Variants in LRRCC1 observed in about 807,000 individuals in gnomAD.
The protein encoded by LRRCC1 is leucine-rich repeat and coiled-coil domain-containing protein 1.
LRRCC1 carries 115 observed loss-of-function variants against 126.0 expected under a neutral mutation model. The ratio of observed to expected loss-of-function variants is 0.91; its 90% CI spans 0.78 to 1.07. The LOEUF (loss-of-function observed/expected upper bound fraction) is 1.07. Among genes scored for constraint, LRRCC1 ranks in the 50% least tolerant of loss-of-function variants. The pLI is 0.00. For synonymous variants in LRRCC1, 400 were observed against 393.4 expected (o/e 1.02, Z -0.20); for missense variants, 1,172 against 1,175.7 (o/e 1.00, Z 0.05).
chr8:85,115,676 A>G, intron 6 of LRRCC1, 92 bp downstream of exon 6: 1 of 893,696 alleles, frequency 1.1e-6, no homozygotes, highest in South Asian at 1.7e-5. Flanking sequence ...TAGCTGACCA[A>G]CCTATTTTAG....
rs6985225 is a variant in LRRCC1 at position 85,131,832 on chromosome 8, A to C, written c.1839A>C (p.Lys613Asn). The C allele has an allele frequency of 6.5e-3, 10,475 of 1,613,854 alleles. 550 individuals carry two copies. In the African/African-American group the frequency reaches 0.12, roughly 19 times the overall value. ...FQDALAKEIAKEEKKHEQMIK... is the reference protein window; with the variant it reads ...FQDALAKEIANEEKKHEQMIK... ...ATGCCTTAGCTAAAGAAATAGCCAAAGAAGAGAAAAAGCATGAGCAAATGA... is the reference window on the plus strand; with the variant it reads ...ATGCCTTAGCTAAAGAAATAGCCAACGAAGAGAAAAAGCATGAGCAAATGA... The change falls in exon 12 of 19, where the codon AAA (lysine) becomes AAC (asparagine). Residue 613 changes from lysine to asparagine, a missense_variant. Physicochemically the swap from Lys to Asn is moderately conservative, Grantham distance 94. Coordinates refer to ENST00000360375, the MANE Select transcript of LRRCC1 (RefSeq NM_033402.5).
At chr8:85,117,060 C>G (rs1809178721) in intron 6 of LRRCC1, among the ~76,000 whole-genome samples, 1 of 152,154 alleles carries the variant, frequency 6.6e-6, no homozygotes, top group South Asian at 2.1e-4. Flanking sequence ...CCAGTGAAAA[C>G]TTAGATTGAA....
chr8:85,112,359 A>G (rs1295968978), intron 3 of LRRCC1, among the ~76,000 whole-genome samples: 5 of 152,224 alleles, frequency 3.3e-5, no homozygotes, highest in Non-Finnish European at 7.3e-5. Context: ...AGGCAGGAAG[A>G]GAAGCTGTAA....
At chr8:85,128,438 C>A (rs1213570653) in intron 9 of LRRCC1, among the ~76,000 whole-genome samples, 1 of 139,632 alleles carries the variant, frequency 7.2e-6, no homozygotes, top group Non-Finnish European at 1.5e-5. Context: ...CCCCCCCCAC[C>A]ACCACATGTT....
intron 15 of LRRCC1, among the ~76,000 whole-genome samples, 171 bp from the exon 16 acceptor site, chr8:85,137,864 T>A (rs2135994804): frequency 6.6e-6 from 1 of 152,252 alleles, no homozygotes; most frequent in Middle Eastern, 3.4e-3. Context: ...ATTATGGCCT[T>A]TGGAATAACT....
chr8:85,116,852 A>G (rs961171624), intron 6 of LRRCC1, among the ~76,000 whole-genome samples: 4 of 152,214 alleles, frequency 2.6e-5, no homozygotes, highest in African/African-American at 7.2e-5. Context: ...GTGAAAGTCA[A>G]TAAGGCTGTG....
chr8:85,113,253 A>G (rs773105635), intron 4 of LRRCC1, among the ~76,000 whole-genome samples, 154 bp downstream of exon 4: 2 of 152,310 alleles, frequency 1.3e-5, no homozygotes, highest in South Asian at 4.1e-4. Flanking sequence ...TTAGTGTATT[A>G]AGACTAATGA....
chr8:85,126,625 A>G, intron 8 of LRRCC1, 64 bp from the exon 9 acceptor site: 2 of 1,410,546 alleles, frequency 1.4e-6, no homozygotes, highest in Non-Finnish European at 9.7e-7. Flanking sequence ...TAAATGGGAA[A>G]ATTGAGGCTG....
chr8:85,109,826 C>G, intron 2 of LRRCC1, 26 bp downstream of exon 2: 1 of 1,254,530 alleles, frequency 8.0e-7, no homozygotes, highest in Non-Finnish European at 1.1e-6. Context: ...TCATTTAACA[C>G]TTAGCGTAAG....
In LRRCC1 at chr8:85,130,130, C is replaced by T. The variant is rs534521923; in HGVS notation, c.1766+72C>T. 21 of 1,155,264 alleles carry T rather than the reference C, an allele frequency of 1.8e-5. No homozygotes were observed. The African/African-American group carries it at 3.1e-4, about 17-fold the overall frequency. 71.6% of individuals were successfully genotyped at this position (1,155,264 alleles called of 1,614,324 possible). A position where few individuals can be genotyped will look rare whatever the true frequency, so the allele number is the denominator to read the frequency against. On this transcript the variant is annotated intron_variant, in intron 11 of 18. Transcript: ENST00000360375. ...AAAGAAAGCTACTGGTTCCCCACTA[C>T]CAGTATTTTTTTTTTTTTTTTTTGA... is the stretch of plus-strand genomic sequence containing the variant.
At position 85,138,158 on chromosome 8, in the gene LRRCC1, G is replaced by C. The variant is rs200867040; in HGVS notation, c.2617G>C (p.Glu873Gln). 1.2e-6 allele frequency: 2 copies of C among 1,611,722 alleles called. No homozygotes were observed. The highest frequency in any genetic ancestry group is 1.7e-6 in the Non-Finnish European group (2 of 1,178,952). Reference protein sequence around the residue: ...SQLDEVLEKLERHNERKEKLK... With the variant: ...SQLDEVLEKLQRHNERKEKLK... ...ACTGGATGAGGTACTTGAGAAGTTG[G>C]AAAGGCACAATGAAAGAAAAGAAAA... is the stretch of plus-strand genomic sequence containing the variant. Residue 873 changes from glutamate to glutamine, a missense_variant, in exon 16 of 19, where the codon GAA (glutamate) becomes CAA (glutamine). Physicochemically the swap from Glu to Gln is conservative, Grantham distance 29. Transcript: ENST00000360375.
At chr8:85,121,605 C>G (rs1809560847) in intron 6 of LRRCC1, among the ~76,000 whole-genome samples, 1 of 152,064 alleles carries the variant, frequency 6.6e-6, no homozygotes, top group South Asian at 2.1e-4. Context: ...CCACGCCCAG[C>G]TAATTTTGTA....
chr8:85,118,690 C>A (rs1809295887), intron 6 of LRRCC1, among the ~76,000 whole-genome samples: 1 of 151,834 alleles, frequency 6.6e-6, no homozygotes, highest in Admixed American at 6.6e-5. Context: ...AATGCCTGTT[C>A]AAAATTTTTG....
chr8:85,140,417 GCTA>G (rs1811175785), intron 17 of LRRCC1, among the ~76,000 whole-genome samples: 1 of 152,088 alleles, frequency 6.6e-6, no homozygotes, highest in Non-Finnish European at 1.5e-5. Flanking sequence ...TAGTCACTTG[GCTA>G]CTAAGTCATA....
chr8:85,141,401 C>T lies in LRRCC1; in HGVS notation c.2860C>T (p.His954Tyr). 1 of 1,611,708 alleles carries T rather than the reference C, an allele frequency of 6.2e-7. No homozygotes were observed. Among genetic ancestry groups the T allele is most frequent in the Non-Finnish European group, 8.5e-7 (1 of 1,178,728 alleles). ...ELQKNAMEKL[H>Y]SMDDAFKRQV... is the part of the protein sequence containing the mutation. ...TTTAAGGAATGCAATGGAAAAACTT[C>T]ATAGTATGGATGATGCCTTTAAAAG... The change falls in exon 18 of 19, where the codon CAT becomes TAT. Residue 954 changes from histidine to tyrosine, a missense_variant. By Grantham distance (83) the His-to-Tyr change is moderately conservative. Coordinates refer to ENST00000360375, the MANE Select transcript of LRRCC1 (RefSeq NM_033402.5).
intron 18 of LRRCC1, among the ~76,000 whole-genome samples, chr8:85,143,470 G>A (rs951978794): frequency 1.5e-4 from 23 of 151,820 alleles, no homozygotes; most frequent in Non-Finnish European, 2.2e-4. Context: ...AGACCTTGTC[G>A]CTACAAAAAA....
rs1225386399 is a variant in LRRCC1, at chr8:85,110,188, G to A, written c.376+8G>A. The A allele has an allele frequency of 8.2e-7, 1 of 1,217,128 alleles. No homozygotes were observed. The highest frequency in any genetic ancestry group is 2.6e-5 in the East Asian group (1 of 38,280). 75.4% of individuals were successfully genotyped at this position (1,217,128 alleles called of 1,614,324 possible). ...ACATAGATGATCTTAGTGGTAAGTA[G>A]AAATGCTTATGTTTTCTGTATGCTA... On this transcript the variant is annotated splice_region_variant and intron_variant, in intron 3 of 18. Coordinates refer to ENST00000360375, the MANE Select transcript of LRRCC1 (RefSeq NM_033402.5).
chr8:85,144,200 G>C (rs1203126604), intron 18 of LRRCC1, among the ~76,000 whole-genome samples: 3 of 151,846 alleles, frequency 2.0e-5, no homozygotes, highest in African/African-American at 7.3e-5. Flanking sequence ...TTAAAGATAG[G>C]GTTTCTTTGG....
chr8:85,128,079 A>T (rs1023036820), intron 9 of LRRCC1, among the ~76,000 whole-genome samples: 17 of 152,250 alleles, frequency 1.1e-4, no homozygotes, highest in Middle Eastern at 3.2e-3. Context: ...GAGCAGTTTC[A>T]TGAGGCAAAG....
Sources: gnomAD v4.1 joint callset for allele counts (sites outside exome capture counted in the v4.1 genomes callset) on GRCh38, gnomAD v4.1.1 for gene constraint, MANE v1.5 for transcripts, NCBI Gene and HGNC (gene_info 2026-07-23, HGNC 2026-07-21) for gene names.